XPA: variants seen among roughly 807,000 people sequenced by gnomAD.
XPA encodes XPA, DNA damage recognition and repair factor.
XPA carries 27 observed loss-of-function variants against 35.7 expected under a neutral mutation model. The observed-to-expected ratio is 0.76, with a 90% CI of 0.56 to 1.04. The LOEUF is 1.04. Among genes scored for constraint, XPA ranks in the 50% least tolerant of loss-of-function variants. The pLI is 0.00. For missense variants in XPA, 354 were observed against 342.7 expected (o/e 1.03, Z -0.26); for synonymous variants, 133 against 118.4 (o/e 1.12, Z -0.80).
intron 4 of XPA, among the ~76,000 whole-genome samples, chr9:97,685,514 T>A (rs3176689): frequency 0.14 from 21,924 of 151,874 alleles, 2,042 homozygotes; most frequent in Middle Eastern, 0.35. Context: ...CAGGATATAT[T>A]TTTTTTTAAT....
At chr9:97,660,043 C>T in the XPA span, among the ~76,000 whole-genome samples, 3 of 152,104 alleles carry the variant, frequency 2.0e-5, no homozygotes, top group East Asian at 1.9e-4. Context: ...ATTTTTTAAC[C>T]GTTAGCAAGC....
chr9:97,657,935 T>A, the XPA span, among the ~76,000 whole-genome samples: 1,331 of 143,138 alleles, frequency 9.3e-3, 20 homozygotes, highest in African/African-American at 0.034. Context: ...TATTTTTTTT[T>A]TTTTTTTTAA....
the XPA span, among the ~76,000 whole-genome samples, chr9:97,656,415 T>C: frequency 6.6e-6 from 1 of 152,174 alleles, no homozygotes; most frequent in Non-Finnish European, 1.5e-5. Context: ...ACCCCCTCTC[T>C]ACTAAAAATA....
At position 97,675,504 on chromosome 9, in the gene XPA, C is replaced by T; in HGVS notation, c.757G>A (p.Glu253Lys). 6.2e-7 allele frequency: 1 copy of T among 1,613,970 alleles called. No individual in the cohort carries two copies. Among genetic ancestry groups the T allele is most frequent in the Non-Finnish European group, 8.5e-7 (1 of 1,179,966 alleles). ...CAAGTCTTACGGTACATGTCATCTTCTAGGTTTTCTTCTGGTCCATACTCA... is the reference window on the plus strand; with the variant it reads ...CAAGTCTTACGGTACATGTCATCTTTTAGGTTTTCTTCTGGTCCATACTCA... Reference protein sequence around the residue: ...QHEYGPEENLEDDMYRKTCTM... With the variant: ...QHEYGPEENLKDDMYRKTCTM... Residue 253 changes from glutamate (E) to lysine (K), a missense_variant, in exon 6 of 6, where the codon GAA (glutamate) becomes AAA (lysine). Coordinates refer to ENST00000375128, the MANE Select transcript of XPA (RefSeq NM_000380.4).
the XPA span, among the ~76,000 whole-genome samples, chr9:97,659,941 T>C: frequency 1.3e-5 from 2 of 152,210 alleles, no homozygotes; most frequent in African/African-American, 2.4e-5. Context: ...TCCCTGTTCT[T>C]GACTTTGCCA....
chr9:97,696,412 C>G (rs2131409839), intron 1 of XPA, among the ~76,000 whole-genome samples: 1 of 152,298 alleles, frequency 6.6e-6, no homozygotes, highest in Middle Eastern at 3.4e-3. Flanking sequence ...TTACTTCAAT[C>G]AATAAACACG....
chr9:97,656,106 C>T, the XPA span: 16 of 1,572,558 alleles, frequency 1.0e-5, no homozygotes, highest in Admixed American at 6.7e-5. Flanking sequence ...TGTGTTTTCT[C>T]CTTTTAACTT....
chr9:97,690,190 T>C (rs1935328800), intron 2 of XPA, among the ~76,000 whole-genome samples: 1 of 152,212 alleles, frequency 6.6e-6, no homozygotes, highest in Non-Finnish European at 1.5e-5. Flanking sequence ...CATGTCCCTC[T>C]GACTCTTGGC....
At position 97,685,186 on chromosome 9, in the gene XPA, ATAT is replaced by A. The variant is rs1304065440; in HGVS notation, c.556-149_556-147del. ...CTTATTAGAAATTTAAAGATTTTAA[ATAT>A]TAATGATCAGAAACAACTCTAATAA... is the stretch of plus-strand genomic sequence containing the variant. On this transcript the variant is annotated intron_variant, in intron 4 of 5. Coordinates refer to ENST00000375128, the MANE Select transcript of XPA (RefSeq NM_000380.4). 9.6e-6 allele frequency: 6 copies of A among 626,664 alleles called. No homozygotes were observed. In the African/African-American group the frequency reaches 1.1e-4, roughly 12 times the overall value. The allele number at this position is 626,664 out of a possible 1,614,324, so 38.8% of individuals were successfully genotyped here.
intron 2 of XPA, among the ~76,000 whole-genome samples, chr9:97,691,036 A>G (rs139702082): frequency 6.6e-6 from 1 of 152,244 alleles, no homozygotes; most frequent in Non-Finnish European, 1.5e-5. Context: ...CTGAAAGTAC[A>G]AAAGAGATTA....
rs200413157 is a variant in XPA at position 97,678,407 on chromosome 9, AAAT to A, written c.674-2823_674-2821del. ...CAGAGCAATACTAGGTCTCAAAAGT[AAAT>A]AAGTAAATAAAAAAAGTAAGGAAAT... On this transcript the variant is annotated intron_variant, in intron 5 of 5. Transcript: ENST00000375128. 6.0e-3 allele frequency among the ~76,000 whole-genome samples: 919 copies of A among 152,270 alleles called. 27 individuals are homozygous for A. The highest frequency in any genetic ancestry group is 0.048 in the Admixed American group (737 of 15,286).
rs1222824462 is a variant in XPA at position 97,693,885 on chromosome 9, A to G, written c.173-126T>C. The G allele has an allele frequency of 4.5e-5, 40 of 880,544 alleles. No homozygotes were observed. The South Asian group carries it at 5.6e-4, about 12-fold the overall frequency. The allele number at this position is 880,544 out of a possible 1,614,324, so 54.5% of individuals were successfully genotyped here. A position where few individuals can be genotyped will look rare whatever the true frequency, so the allele number is the denominator to read the frequency against. The stretch of plus-strand genomic sequence containing the variant: ...CAACACAAGGATGTCCACAATCACT[A>G]CTTCTATTCAACATTATACTGAAGG... On this transcript the variant is annotated intron_variant, in intron 1 of 5. Transcript: ENST00000375128.
At chr9:97,678,648 T>C (rs1429566851) in intron 5 of XPA, among the ~76,000 whole-genome samples, 1 of 152,234 alleles carries the variant, frequency 6.6e-6, no homozygotes, top group South Asian at 2.1e-4. Context: ...ACAGTTCTTA[T>C]AACCATCATA....
At chr9:97,681,920 TC>T (rs1177235112) in intron 5 of XPA, among the ~76,000 whole-genome samples, 4 of 152,162 alleles carry the variant, frequency 2.6e-5, no homozygotes, top group African/African-American at 9.6e-5. Flanking sequence ...CCAAATACTC[TC>T]TATCGGTCCT....
chr9:97,675,843 G>A, intron 5 of XPA: 3 of 539,214 alleles, frequency 5.6e-6, no homozygotes, highest in East Asian at 3.3e-5. Context: ...ATGGTTATGT[G>A]GGTTGGTGGT....
the XPA span, chr9:97,669,840 G>A: frequency 4.2e-6 from 3 of 720,508 alleles, no homozygotes; most frequent in Non-Finnish European, 5.1e-6. Flanking sequence ...TCCATTTGCT[G>A]CTACCATTGC....
chr9:97,654,784 A>G, the XPA span: 2 of 1,076,806 alleles, frequency 1.9e-6, no homozygotes, highest in Admixed American at 2.0e-5. Context: ...ATTATTAATC[A>G]TTATAAAGAC....
downstream of XPA, chr9:97,671,033 G>A (rs898407503): frequency 8.3e-7 from 1 of 1,209,288 alleles, no homozygotes; most frequent in Non-Finnish European, 1.2e-6. Context: ...TGTTCCACAA[G>A]ATTGCTTATA....
At chr9:97,658,039 A>G in the XPA span, among the ~76,000 whole-genome samples, 1 of 150,472 alleles carries the variant, frequency 6.6e-6, no homozygotes, top group Non-Finnish European at 1.5e-5. Context: ...GGAATCATCT[A>G]TTTATTCATG....
Sources: allele counts gnomAD v4.1 joint callset (sites outside exome capture counted in the v4.1 genomes callset), GRCh38; gene constraint gnomAD v4.1.1; transcripts MANE v1.5; gene names NCBI Gene and HGNC (gene_info 2026-07-23, HGNC 2026-07-21).